Variants in HAGH observed in about 807,000 individuals in gnomAD.
The protein encoded by HAGH is hydroxyacylglutathione hydrolase, mitochondrial.
HAGH carries 29 observed loss-of-function variants against 35.1 expected under a neutral mutation model. That is an observed-to-expected ratio of 0.83 (90% CI 0.62 to 1.13). The LOEUF (loss-of-function observed/expected upper bound fraction) is 1.13, where lower values mean the gene tolerates loss of function less well. Ranked by LOEUF, HAGH falls within the 50% of genes most tolerant of loss-of-function variation. The probability of loss-of-function intolerance (pLI) is 0.00; values close to 1 mark genes in which losing one functional copy is unlikely to be tolerated. For missense variants in HAGH, 478 were observed against 419.6 expected (o/e 1.14, Z -1.22); for synonymous variants, 225 against 176.1 (o/e 1.28, Z -2.20).
chr16:1,817,155 A>G lies in HAGH; in HGVS notation c.645+13T>C, dbSNP rs1351017115. The stretch of plus-strand genomic sequence containing the variant: ...GCCCCCCACACCCCGGCCCGCAGGG[A>G]GGCGCTGCCTACTGTGTCCGGGGGG... On this transcript the variant is annotated intron_variant, in intron 6 of 8. Coordinates refer to ENST00000397356, the MANE Select transcript of HAGH (RefSeq NM_005326.6). 28 of 1,558,736 alleles carry G rather than the reference A, an allele frequency of 1.8e-5. No individual in the cohort carries two copies. Among genetic ancestry groups the G allele is most frequent in the Non-Finnish European group, 2.5e-5 (28 of 1,129,524 alleles).
upstream of HAGH, chr16:1,827,181 C>T (rs781246581): frequency 2.6e-6 from 4 of 1,554,314 alleles, no homozygotes; most frequent in East Asian, 2.3e-5. Context: ...TCCGGGATGC[C>T]GTAGGCATCA....
At chr16:1,819,346 T>G in intron 4 of HAGH, 123 bp from the exon 5 acceptor site, 1 of 628,946 alleles carries the variant, frequency 1.6e-6, no homozygotes, top group Non-Finnish European at 2.8e-6. Flanking sequence ...CCCGTGAAGG[T>G]GGGGCAGGTG....
In HAGH at chr16:1,809,160, A is replaced by T. The variant is rs182177002; in HGVS notation, c.*123T>A. Reference sequence around the variant, plus strand: ...ATAAATATGCATTAGAATGTCCGATAACACAAGCCAAGGGCTGTAAAATTA... The same window carrying T: ...ATAAATATGCATTAGAATGTCCGATTACACAAGCCAAGGGCTGTAAAATTA... On this transcript the variant is annotated 3_prime_UTR_variant, in exon 9 of 9. Transcript: ENST00000397356. 72 of 678,548 alleles carry T rather than the reference A, an allele frequency of 1.1e-4. No individual in the cohort carries two copies. In the East Asian group the frequency reaches 1.8e-3, roughly 17 times the overall value. The allele number at this position is 678,548 out of a possible 1,614,324, so 42.0% of individuals were successfully genotyped here. A position where few individuals can be genotyped will look rare whatever the true frequency, so the allele number is the denominator to read the frequency against.
chr16:1,825,974 C>T (rs1247815738), intron 1 of HAGH, among the ~76,000 whole-genome samples: 2 of 152,218 alleles, frequency 1.3e-5, no homozygotes, highest in African/African-American at 4.8e-5. Flanking sequence ...CACGCCCTGC[C>T]GATGCACACA....
At position 1,808,823 on chromosome 16, in the gene HAGH, A is replaced by C; in HGVS notation, c.*460T>G. 6.5e-6 allele frequency: 1 copy of C among 154,714 alleles called. No individual in the cohort carries two copies. The highest frequency in any genetic ancestry group is 1.4e-5 in the Non-Finnish European group (1 of 69,842). 9.6% of individuals were successfully genotyped at this position (154,714 alleles called of 1,614,324 possible). ...GCTGCCGAGTAGGAGCACTGCCTGG[A>C]GGTCGCGCGATCTGGCCGCCTCCAG... On this transcript the variant is annotated 3_prime_UTR_variant, in exon 9 of 9. Transcript: ENST00000397356.
intron 7 of HAGH, among the ~76,000 whole-genome samples, chr16:1,811,574 G>T (rs183613787): frequency 1.3e-5 from 2 of 152,042 alleles, no homozygotes; most frequent in Non-Finnish European, 2.9e-5. Context: ...TTAGCCAGAC[G>T]TGGTGGCACA....
intron 1 of HAGH, among the ~76,000 whole-genome samples, chr16:1,826,284 C>T (rs1267429237): frequency 1.3e-5 from 2 of 151,206 alleles, no homozygotes; most frequent in Non-Finnish European, 3.0e-5. Context: ...CGGGCAGCTC[C>T]ACCACCGCAG....
chr16:1,822,790 T>C, intron 2 of HAGH, 75 bp downstream of exon 2: 1 of 1,291,142 alleles, frequency 7.7e-7, no homozygotes, highest in East Asian at 2.3e-5. Flanking sequence ...GACACTGCGG[T>C]TAGGAAACCC....
In HAGH at chr16:1,822,939, C is replaced by T. The variant is rs572685524; in HGVS notation, c.175G>A (p.Asp59Asn). The T allele has an allele frequency of 5.0e-6, 8 of 1,613,622 alleles. No individual in the cohort carries two copies. Among genetic ancestry groups the T allele is most frequent in the South Asian group, 2.2e-5 (2 of 91,070 alleles). ...TCAATGACCAGGTACATGTAGTTGT[C>T]GGTCAGGGCAGGCAGCACCTCTACC... ...MKVEVLPALT[D>N]NYMYLVIDDE... The change falls in exon 2 of 9, where the codon GAC (aspartate) becomes AAC (asparagine). Residue 59 changes from aspartate to asparagine, a missense_variant. Coordinates refer to ENST00000397356, the MANE Select transcript of HAGH (RefSeq NM_005326.6).
At chr16:1,824,852 G>C (rs542302099) in intron 1 of HAGH, among the ~76,000 whole-genome samples, 24 of 152,242 alleles carry the variant, frequency 1.6e-4, no homozygotes, top group East Asian at 1.5e-3. Flanking sequence ...GCAGCTTCCT[G>C]TGTTATTCCC....
chr16:1,819,850 G>A (rs1007359423), intron 4 of HAGH, 47 bp downstream of exon 4: 38 of 1,186,990 alleles, frequency 3.2e-5, no homozygotes, highest in Non-Finnish European at 4.3e-5. Context: ...CCTCCCCCAC[G>A]CTCCTGACAG....
At position 1,826,825 on chromosome 16, in the gene HAGH, T is replaced by C. The variant is rs576095803; in HGVS notation, c.-38A>G. 35 of 1,205,472 alleles carry C rather than the reference T, an allele frequency of 2.9e-5. No individual in the cohort carries two copies. Among genetic ancestry groups the C allele is most frequent in the Middle Eastern group, 2.1e-4 (1 of 4,704 alleles). The allele number at this position is 1,205,472 out of a possible 1,614,324, so 74.7% of individuals were successfully genotyped here. On this transcript the variant is annotated 5_prime_UTR_variant, in exon 1 of 9. Coordinates refer to ENST00000397356, the MANE Select transcript of HAGH (RefSeq NM_005326.6). Reference sequence around the variant, plus strand: ...GCTGGACTGCCGAGCTGCCCAGGACTGCAAAACACCGGCGTCGGCGCGTCG... The same window carrying C: ...GCTGGACTGCCGAGCTGCCCAGGACCGCAAAACACCGGCGTCGGCGCGTCG...
rs752111383 is a variant in HAGH, at chr16:1,822,990, G to A, written c.124C>T (p.Leu42=). ...TTCATGGTGCCCTCGTCCACGGTCA[G>A]GTTCTTCCGCAAATCTGTGTGGCAG... The part of the protein sequence containing the change: ...VFCHTDLRKN[L]TVDEGTMKVE... The change falls in exon 2 of 9, where the codon CTG becomes TTG. Residue 42 remains leucine, a synonymous_variant. Transcript: ENST00000397356. 1 of 1,613,940 alleles carries A rather than the reference G, an allele frequency of 6.2e-7. No homozygotes were observed. Among genetic ancestry groups the A allele is most frequent in the South Asian group, 1.1e-5 (1 of 91,084 alleles).
intron 7 of HAGH, among the ~76,000 whole-genome samples, chr16:1,813,257 A>G (rs1011666032): frequency 2.0e-5 from 3 of 152,124 alleles, no homozygotes; most frequent in Non-Finnish European, 4.4e-5. Context: ...CTCTGGCCAC[A>G]TGCTTCACAC....
chr16:1,812,513 A>AAAAAC (rs374650942), intron 7 of HAGH: 125,013 of 141,020 alleles, frequency 0.89, 55,448 homozygotes, highest in Admixed American at 0.94. Flanking sequence ...TCAAAAAAAA[A>AAAAAC]AAAAAACAAA....
At chr16:1,816,389 C>G (rs890329995) in intron 7 of HAGH, among the ~76,000 whole-genome samples, 2 of 152,142 alleles carry the variant, frequency 1.3e-5, no homozygotes, top group African/African-American at 4.8e-5. Flanking sequence ...TCACTCCACT[C>G]AGCAGAGGGA....
chr16:1,826,899 C>G, upstream of HAGH: 1 of 734,610 alleles, frequency 1.4e-6, no homozygotes, highest in Non-Finnish European at 2.0e-6. Flanking sequence ...TCAGCGTCCA[C>G]CTCGCACCGT....
chr16:1,811,301 C>A (rs1033869187), intron 7 of HAGH, among the ~76,000 whole-genome samples: 1 of 152,132 alleles, frequency 6.6e-6, no homozygotes, highest in Non-Finnish European at 1.5e-5. Flanking sequence ...GTAATCCCAG[C>A]TACTGGAGAA....
intron 7 of HAGH, chr16:1,810,859 A>G (rs973824187): frequency 2.6e-5 from 4 of 152,222 alleles, no homozygotes; most frequent in African/African-American, 9.7e-5. Flanking sequence ...AGATGCCAAG[A>G]TGGTTTCTCA....
Sources: allele counts gnomAD v4.1 joint callset (sites outside exome capture counted in the v4.1 genomes callset), GRCh38; gene constraint gnomAD v4.1.1; transcripts MANE v1.5; gene names NCBI Gene and HGNC (gene_info 2026-07-23, HGNC 2026-07-21).